Variants in ATG10 observed in about 807,000 individuals in gnomAD.
ATG10 encodes the protein ubiquitin-like-conjugating enzyme ATG10.
Under a neutral mutation model 32.1 loss-of-function variants are expected in ATG10, and 30 were observed. That is an observed-to-expected ratio of 0.94 (90% CI 0.70 to 1.27). The LOEUF is 1.27. ATG10 is among the 50% of genes most tolerant of loss of function. The pLI, the probability that ATG10 is intolerant of heterozygous loss-of-function variation, is 0.00. For synonymous variants in ATG10, 87 were observed against 91.5 expected, an observed-to-expected ratio of 0.95 and a Z score of 0.28; for missense variants, 233 against 262.3, an observed-to-expected ratio of 0.89 and a Z score of 0.77.
chr5:82,077,101 C>T lies in ATG10; in HGVS notation c.216+18499C>T, dbSNP rs540602663. 3.9e-5 allele frequency among the ~76,000 whole-genome samples: 6 copies of T among 152,260 alleles called. No individual in the cohort carries two copies. The South Asian group carries it at 6.2e-4, about 16-fold the overall frequency. The stretch of plus-strand genomic sequence containing the variant: ...CACTTTGGGAGTTCGAGGCAGGCGA[C>T]GCTTCAGCTCAGGAGTTCGAGACCA... On this transcript the variant is annotated intron_variant, in intron 3 of 7. Coordinates refer to ENST00000282185, the MANE Select transcript of ATG10 (RefSeq NM_031482.5).
At chr5:82,158,236 G>T (rs1355548747) in intron 3 of ATG10, among the ~76,000 whole-genome samples, 1 of 152,108 alleles carries the variant, frequency 6.6e-6, no homozygotes, top group Non-Finnish European at 1.5e-5. Flanking sequence ...GCTCTTGAAT[G>T]AATGTAATTT....
At chr5:82,110,628 C>T (rs1765588148) in intron 3 of ATG10, among the ~76,000 whole-genome samples, 2 of 152,074 alleles carry the variant, frequency 1.3e-5, no homozygotes, top group Non-Finnish European at 1.5e-5. Context: ...ATATCCTTTG[C>T]CCACTTTTTG....
At chr5:81,978,055 G>A (rs1383718546) in intron 1 of ATG10, among the ~76,000 whole-genome samples, 2 of 152,060 alleles carry the variant, frequency 1.3e-5, no homozygotes, top group African/African-American at 2.4e-5. Flanking sequence ...CACTGATTCT[G>A]TAGCTTCTGA....
intron 5 of ATG10, among the ~76,000 whole-genome samples, chr5:82,241,854 C>T (rs1746817560): frequency 6.6e-6 from 1 of 151,932 alleles, no homozygotes; most frequent in Non-Finnish European, 1.5e-5. Flanking sequence ...AAAAAAAAAC[C>T]TCCCCAGAAA....
intron 2 of ATG10, among the ~76,000 whole-genome samples, chr5:82,055,358 A>G (rs974417424): frequency 1.3e-5 from 2 of 152,146 alleles, no homozygotes; most frequent in Non-Finnish European, 2.9e-5. Flanking sequence ...TCAAATTATA[A>G]GTATTATTGA....
At chr5:82,253,474 A>C in intron 7 of ATG10, 45 bp downstream of exon 7, 31 of 1,292,782 alleles carry the variant, frequency 2.4e-5, no homozygotes, top group Non-Finnish European at 3.4e-5. Context: ...TACAAAGATC[A>C]ATGTCTCCAT....
At chr5:82,131,643 T>C (rs1275125450) in intron 3 of ATG10, among the ~76,000 whole-genome samples, 1 of 5,568 alleles carries the variant, frequency 1.8e-4, no homozygotes, top group Admixed American at 2.5e-3. Flanking sequence ...TTATTCTACT[T>C]TTTTTTTTTT....
chr5:82,178,993 C>T (rs1744136449), intron 5 of ATG10, among the ~76,000 whole-genome samples: 1 of 152,232 alleles, frequency 6.6e-6, no homozygotes, highest in African/African-American at 2.4e-5. Context: ...AACATGAAAG[C>T]TTAGCCTAAC....
chr5:82,122,234 G>A (rs879365347), intron 3 of ATG10, among the ~76,000 whole-genome samples: 3 of 151,952 alleles, frequency 2.0e-5, no homozygotes, highest in Non-Finnish European at 2.9e-5. Context: ...TATGATCTTT[G>A]ACAAAGCTGA....
At chr5:82,238,641 C>A (rs1746665462) in intron 5 of ATG10, among the ~76,000 whole-genome samples, 1 of 152,066 alleles carries the variant, frequency 6.6e-6, no homozygotes, top group African/African-American at 2.4e-5. Context: ...TAGAAAAGTG[C>A]CTGGCATATA....
intron 3 of ATG10, among the ~76,000 whole-genome samples, chr5:82,082,705 A>T (rs573324422): frequency 3.3e-5 from 5 of 152,204 alleles, no homozygotes; most frequent in African/African-American, 1.2e-4. Flanking sequence ...TTAGAAATTC[A>T]TTCACTTTCA....
intron 2 of ATG10, among the ~76,000 whole-genome samples, chr5:81,993,051 A>G (rs1217323251): frequency 3.3e-5 from 5 of 152,138 alleles, no homozygotes. Context: ...ATTGTTTACC[A>G]TGATGGTCTG....
chr5:82,090,214 A>T (rs961434177), intron 3 of ATG10, among the ~76,000 whole-genome samples: 20 of 152,192 alleles, frequency 1.3e-4, no homozygotes, highest in Non-Finnish European at 2.4e-4. Flanking sequence ...TTTTTTAGAA[A>T]ACGAAACATA....
chr5:82,100,352 G>A (rs995544303), intron 3 of ATG10, among the ~76,000 whole-genome samples: 1 of 151,956 alleles, frequency 6.6e-6, no homozygotes, highest in Non-Finnish European at 1.5e-5. Flanking sequence ...ATGGGTGGTG[G>A]TGTTTTGACT....
chr5:82,044,409 T>A (rs1763175586), intron 2 of ATG10, among the ~76,000 whole-genome samples: 1 of 152,220 alleles, frequency 6.6e-6, no homozygotes, highest in Non-Finnish European at 1.5e-5. Context: ...TATCATGGTC[T>A]CTAATTCTAT....
intron 5 of ATG10, among the ~76,000 whole-genome samples, chr5:82,212,979 C>T (rs1489885413): frequency 2.0e-5 from 3 of 152,150 alleles, no homozygotes; most frequent in African/African-American, 7.2e-5. Flanking sequence ...ACCAGCAATA[C>T]GATAATTTTA....
chr5:82,048,526 A>G lies in ATG10; in HGVS notation c.109-9969A>G, dbSNP rs1279727034. Among the ~76,000 whole-genome samples the G allele has an allele frequency of 3.3e-5, 5 of 152,214 alleles. No individual in the cohort carries two copies. The East Asian group carries it at 7.7e-4, about 23-fold the overall frequency. On this transcript the variant is annotated intron_variant, in intron 2 of 7. Coordinates refer to ENST00000282185, the MANE Select transcript of ATG10 (RefSeq NM_031482.5). ...GTCTAAAACACCAAAAGCAATGGCA[A>G]CAAAAGCCAAAATTGACAAATGGGA... is the stretch of plus-strand genomic sequence containing the variant.
chr5:82,233,744 C>T (rs1487462418), intron 5 of ATG10, among the ~76,000 whole-genome samples: 3 of 152,204 alleles, frequency 2.0e-5, no homozygotes, highest in Non-Finnish European at 4.4e-5. Context: ...CTCTCTGTCC[C>T]CAACTTTCTT....
At chr5:82,221,921 G>A (rs2149994053) in intron 5 of ATG10, among the ~76,000 whole-genome samples, 1 of 152,192 alleles carries the variant, frequency 6.6e-6, no homozygotes, top group East Asian at 1.9e-4. Flanking sequence ...CCAAAGAAAC[G>A]TTTTGCTAGT....
Sources: allele counts gnomAD v4.1 joint callset (sites outside exome capture counted in the v4.1 genomes callset), GRCh38; gene constraint gnomAD v4.1.1; transcripts MANE v1.5; gene names NCBI Gene and HGNC (gene_info 2026-07-23, HGNC 2026-07-21).